The following CTNND2 variants were observed in gnomAD, a reference collection of about 807,000 sequenced individuals.
The protein encoded by CTNND2 is catenin delta-2.
Under a neutral mutation model 144.4 loss-of-function variants are expected in CTNND2, and 22 were observed. That is an observed-to-expected ratio of 0.15 (90% CI 0.11 to 0.22). The LOEUF (loss-of-function observed/expected upper bound fraction) is 0.22. Among genes scored for constraint, CTNND2 ranks in the 10% least tolerant of loss-of-function variants. The pLI is 1.00. For synonymous variants in CTNND2, 751 were observed against 695.6 expected, an observed-to-expected ratio of 1.08 and a Z score of -1.25; for missense variants, 1,353 against 1,618.8, an observed-to-expected ratio of 0.84 and a Z score of 2.82.
intron 1 of CTNND2, among the ~76,000 whole-genome samples, chr5:11,812,362 T>C (rs987931790): frequency 1.3e-5 from 2 of 152,222 alleles, no homozygotes; most frequent in African/African-American, 4.8e-5. Flanking sequence ...AAATGCTTTC[T>C]ATTCTTTCAT....
chr5:11,888,515 T>G (rs772550634), intron 1 of CTNND2, among the ~76,000 whole-genome samples: 1 of 152,054 alleles, frequency 6.6e-6, no homozygotes, highest in Admixed American at 6.6e-5. Flanking sequence ...AGAATTCCAA[T>G]CTCTTATTTG....
chr5:11,833,674 C>T (rs1046845995), intron 1 of CTNND2, among the ~76,000 whole-genome samples: 7 of 152,086 alleles, frequency 4.6e-5, no homozygotes, highest in African/African-American at 1.2e-4. Context: ...CAGGCACCCA[C>T]GACTACTCCC....
At chr5:11,669,069 T>C (rs1411029687) in intron 2 of CTNND2, among the ~76,000 whole-genome samples, 1 of 152,214 alleles carries the variant, frequency 6.6e-6, no homozygotes, top group Non-Finnish European at 1.5e-5. Context: ...ATTATGTTTA[T>C]TGATTTACAT....
chr5:11,286,045 T>C (rs1747715511), intron 9 of CTNND2, among the ~76,000 whole-genome samples: 1 of 120,032 alleles, frequency 8.3e-6, no homozygotes, highest in Non-Finnish European at 1.9e-5. Flanking sequence ...GCAATTGATA[T>C]CCACATGAAA....
intron 8 of CTNND2, among the ~76,000 whole-genome samples, chr5:11,349,290 C>T (rs1402140156): frequency 7.2e-5 from 11 of 152,172 alleles, no homozygotes; most frequent in Non-Finnish European, 1.5e-4. Context: ...GGCCCTTTCA[C>T]TGGGTGTCAG....
At chr5:11,686,495 T>A (rs750170368) in intron 2 of CTNND2, among the ~76,000 whole-genome samples, 15 of 152,042 alleles carry the variant, frequency 9.9e-5, no homozygotes, top group Non-Finnish European at 1.8e-4. Context: ...CTATTTCTAG[T>A]GAATAAATTA....
chr5:11,392,212 A>T (rs1418283015), intron 6 of CTNND2, among the ~76,000 whole-genome samples: 1 of 152,232 alleles, frequency 6.6e-6, no homozygotes, highest in Admixed American at 6.5e-5. Flanking sequence ...TGCATCCTTG[A>T]GTACTGATTT....
intron 9 of CTNND2, among the ~76,000 whole-genome samples, chr5:11,322,844 T>C (rs1415515492): frequency 2.6e-5 from 4 of 152,334 alleles, no homozygotes; most frequent in South Asian, 4.1e-4. Flanking sequence ...ATACTTGCTC[T>C]GTGTACGGAG....
chr5:11,342,883 G>A (rs533837633), intron 9 of CTNND2, among the ~76,000 whole-genome samples: 12 of 152,244 alleles, frequency 7.9e-5, no homozygotes, highest in African/African-American at 2.9e-4. Context: ...GAACTCAATA[G>A]CTGGTGTAGT....
At chr5:11,329,099 G>A (rs1387935445) in intron 9 of CTNND2, among the ~76,000 whole-genome samples, 2 of 152,040 alleles carry the variant, frequency 1.3e-5, no homozygotes, top group Non-Finnish European at 2.9e-5. Flanking sequence ...TTCTTATAAG[G>A]ACACCAGTCC....
intron 2 of CTNND2, among the ~76,000 whole-genome samples, chr5:11,725,894 C>T (rs181188147): frequency 6.6e-6 from 1 of 152,120 alleles, no homozygotes; most frequent in Admixed American, 6.6e-5. Context: ...TATCTGGTTC[C>T]ATTTCTCTGA....
At chr5:11,094,866 A>C (rs1476365800) in intron 15 of CTNND2, among the ~76,000 whole-genome samples, 1 of 152,132 alleles carries the variant, frequency 6.6e-6, no homozygotes, top group Non-Finnish European at 1.5e-5. Context: ...TGTTATGCTG[A>C]CTTTGGCTAT....
intron 7 of CTNND2, among the ~76,000 whole-genome samples, chr5:11,382,237 G>A (rs1011023087): frequency 6.6e-6 from 1 of 152,174 alleles, no homozygotes; most frequent in Admixed American, 6.5e-5. Flanking sequence ...ACAAGGCCAA[G>A]GATTTTGGCT....
chr5:10,977,197 T>A (rs1414473598), intron 21 of CTNND2, among the ~76,000 whole-genome samples: 1 of 152,218 alleles, frequency 6.6e-6, no homozygotes, highest in South Asian at 2.1e-4. Flanking sequence ...GATCTCATCT[T>A]CCTCATTTCT....
intron 11 of CTNND2, among the ~76,000 whole-genome samples, chr5:11,179,185 C>T (rs548154218): frequency 7.2e-5 from 11 of 152,036 alleles, no homozygotes; most frequent in South Asian, 4.2e-4. Flanking sequence ...CTCAGCTACT[C>T]GGGAGGCTGA....
In CTNND2 at chr5:11,142,608, CTTTTTTTT is replaced by C. The variant is rs955587756; in HGVS notation, c.2159+16960_2159+16967del. 4.4e-4 allele frequency among the ~76,000 whole-genome samples: 58 copies of C among 133,268 alleles called. 1 individual carries two copies. The highest frequency in any genetic ancestry group is 1.6e-3 in the African/African-American group (58 of 36,454). The allele number at this position is 133,268 out of a possible 152,430, so 87.4% of individuals were successfully genotyped here. A position where few individuals can be genotyped will look rare whatever the true frequency, so the allele number is the denominator to read the frequency against. ...AAAGGTTTGGTGTCAAATTTAAACT[CTTTTTTTT>C]TTTTTTTTTTTGTTTGAGGCAGAGT... On this transcript the variant is annotated intron_variant, in intron 12 of 21. Coordinates refer to ENST00000304623, the MANE Select transcript of CTNND2 (RefSeq NM_001332.4).
intron 1 of CTNND2, among the ~76,000 whole-genome samples, chr5:11,893,747 G>T (rs1283649966): frequency 1.3e-5 from 2 of 152,222 alleles, no homozygotes; most frequent in East Asian, 3.9e-4. Flanking sequence ...CTAAGTACAA[G>T]CTAAGTACAC....
chr5:11,709,093 C>A (rs1785881759), intron 2 of CTNND2, among the ~76,000 whole-genome samples: 1 of 152,100 alleles, frequency 6.6e-6, no homozygotes. Context: ...TCGACTGTTC[C>A]CAAGAGAGCA....
intron 20 of CTNND2, chr5:10,986,750 A>G (rs1422919801): frequency 4.5e-6 from 2 of 449,206 alleles, no homozygotes; most frequent in African/African-American, 2.0e-5. Flanking sequence ...TCCTGGGGGC[A>G]GGGATAAGAA....
Sources: allele counts gnomAD v4.1 joint callset (sites outside exome capture counted in the v4.1 genomes callset), GRCh38; gene constraint gnomAD v4.1.1; transcripts MANE v1.5; gene names NCBI Gene and HGNC (gene_info 2026-07-23, HGNC 2026-07-21).